MACROD1: variants seen among roughly 807,000 people sequenced by gnomAD.
MACROD1 encodes the protein ADP-ribose glycohydrolase MACROD1.
In MACROD1, 31 loss-of-function variants were observed where a neutral mutation model predicts 41.4. That is an observed-to-expected ratio of 0.75 (90% confidence interval 0.56 to 1.01). The LOEUF (loss-of-function observed/expected upper bound fraction) is 1.01. MACROD1 is among the 50% of genes least tolerant of loss of function. The pLI, the probability that MACROD1 is intolerant of heterozygous loss-of-function variation, is 0.00. For synonymous variants in MACROD1, 252 were observed against 203.4 expected, an observed-to-expected ratio of 1.24 and a Z score of -2.03; for missense variants, 473 against 460.0, an observed-to-expected ratio of 1.03 and a Z score of -0.26.
At chr11:64,150,907 T>C (rs931367488) in intron 3 of MACROD1, among the ~76,000 whole-genome samples, 2 of 152,168 alleles carry the variant, frequency 1.3e-5, no homozygotes, top group South Asian at 2.1e-4. Context: ...CAGGTGCTGG[T>C]TGGGGCTTCT....
chr11:64,159,978 G>A (rs1945729836), intron 1 of MACROD1, among the ~76,000 whole-genome samples: 1 of 152,166 alleles, frequency 6.6e-6, no homozygotes, highest in Non-Finnish European at 1.5e-5. Context: ...TCAGCCTGGA[G>A]GTAAAGAAAA....
intron 3 of MACROD1, chr11:64,087,317 G>A (rs913890335): frequency 6.6e-6 from 1 of 152,318 alleles, no homozygotes; most frequent in Non-Finnish European, 1.5e-5. Context: ...GTGGGAACAG[G>A]GTCCGCCACC....
At chr11:64,127,504 C>T (rs550060344) in intron 3 of MACROD1, among the ~76,000 whole-genome samples, 10 of 152,280 alleles carry the variant, frequency 6.6e-5, no homozygotes, top group Non-Finnish European at 1.3e-4. Flanking sequence ...TGCCCTGGCT[C>T]GGAGGCGGTG....
chr11:64,037,525 C>T (rs760099456), intron 3 of MACROD1, among the ~76,000 whole-genome samples: 12 of 152,128 alleles, frequency 7.9e-5, no homozygotes, highest in Non-Finnish European at 1.3e-4. Flanking sequence ...CTGACAGGGC[C>T]CGTGCCTGGG....
chr11:64,035,274 C>T (rs1166167624), intron 3 of MACROD1, among the ~76,000 whole-genome samples: 1 of 151,974 alleles, frequency 6.6e-6, no homozygotes, highest in East Asian at 1.9e-4. Context: ...GTGTTTACAG[C>T]ACGCGGCGGA....
chr11:64,057,833 C>A lies in MACROD1; in HGVS notation c.518-42552G>T, dbSNP rs144819877. On this transcript the variant is annotated intron_variant, in intron 3 of 10. Coordinates refer to ENST00000255681, the MANE Select transcript of MACROD1 (RefSeq NM_014067.4). ...TTCGCGGGTCCAGCAGGCAGCAGCA[C>A]CCCTTTCCACTTTACAGTTGTGGAA... Among the ~76,000 whole-genome samples, 379 of 152,352 alleles carry A rather than the reference C, an allele frequency of 2.5e-3. 5 individuals are homozygous for A. The highest frequency in any genetic ancestry group is 8.7e-3 in the African/African-American group (360 of 41,580).
At chr11:64,085,170 G>C (rs1300269671) in intron 3 of MACROD1, among the ~76,000 whole-genome samples, 1 of 152,186 alleles carries the variant, frequency 6.6e-6, no homozygotes, top group Non-Finnish European at 1.5e-5. Context: ...TGAGGGCAGA[G>C]GGCAGCTTGG....
At chr11:64,136,431 A>T in intron 3 of MACROD1, among the ~76,000 whole-genome samples, 1 of 152,190 alleles carries the variant, frequency 6.6e-6, no homozygotes, top group Non-Finnish European at 1.5e-5. Context: ...TGTGATGGTT[A>T]TTCTGGGCTG....
At position 64,082,694 on chromosome 11, in the gene MACROD1, C is replaced by T. The variant is rs1312945968; in HGVS notation, c.518-67413G>A. On this transcript the variant is annotated intron_variant, in intron 3 of 10. Transcript: ENST00000255681. This position sits in a 1 kb window ranked among gnomAD's most constrained non-coding sequence, Gnocchi z 4.5. Reference sequence around the variant, plus strand: ...CCCCTGTCCTGCTCCACCCTGCAGGCCCCTGGGTCTCACACAAGGAATGTG... The same window carrying T: ...CCCCTGTCCTGCTCCACCCTGCAGGTCCCTGGGTCTCACACAAGGAATGTG... 6.6e-6 allele frequency among the ~76,000 whole-genome samples: 1 copy of T among 152,144 alleles called. No homozygotes were observed. Among genetic ancestry groups the T allele is most frequent in the Non-Finnish European group, 1.5e-5 (1 of 68,002 alleles).
intron 3 of MACROD1, among the ~76,000 whole-genome samples, chr11:64,065,609 G>C (rs562958537): frequency 7.0e-4 from 92 of 131,694 alleles, no homozygotes; most frequent in African/African-American, 2.2e-3. Flanking sequence ...CTAACACGGT[G>C]AAACCCAGTC....
At chr11:64,078,036 G>A (rs369653650) in intron 3 of MACROD1, among the ~76,000 whole-genome samples, 14 of 152,152 alleles carry the variant, frequency 9.2e-5, no homozygotes, top group African/African-American at 2.4e-4. Context: ...CCCAGGCATC[G>A]GGCACAGGGA....
chr11:63,999,796 G>T (rs951360087), intron 5 of MACROD1, 33 bp from the exon 6 acceptor site: 3 of 1,589,174 alleles, frequency 1.9e-6, no homozygotes, highest in Non-Finnish European at 1.7e-6. Context: ...ACCGGCGGGG[G>T]TCTACGCGGT....
Position 64,027,014 on chromosome 11 carries a change from A to C in MACROD1, c.518-11733T>G, listed in dbSNP as rs1449425006. ...ATGTGTTTGCTGGTTTATTAACAGCATGGCAGCCTGTGGGGAGACGACCTC... is the reference window on the plus strand; with the variant it reads ...ATGTGTTTGCTGGTTTATTAACAGCCTGGCAGCCTGTGGGGAGACGACCTC... On this transcript the variant is annotated intron_variant, in intron 3 of 10. Transcript: ENST00000255681. Among the ~76,000 whole-genome samples the C allele has an allele frequency of 2.0e-5, 3 of 152,352 alleles. No individual in the cohort carries two copies. In the East Asian group the frequency reaches 5.8e-4, roughly 29 times the overall value.
chr11:64,094,425 C>T (rs1944541237), intron 3 of MACROD1, among the ~76,000 whole-genome samples: 1 of 131,708 alleles, frequency 7.6e-6, no homozygotes, highest in African/African-American at 2.6e-5. Context: ...AGTGAGACTC[C>T]AACTTAAAAA....
intron 3 of MACROD1, among the ~76,000 whole-genome samples, chr11:64,028,970 G>C (rs922912085): frequency 6.6e-6 from 1 of 152,108 alleles, no homozygotes; most frequent in Non-Finnish European, 1.5e-5. Context: ...ATCTGTTTCC[G>C]CAACCCCAGC....
intron 3 of MACROD1, among the ~76,000 whole-genome samples, chr11:64,024,754 T>A (rs1377860780): frequency 2.6e-5 from 4 of 152,086 alleles, no homozygotes; most frequent in African/African-American, 9.7e-5. Context: ...TTGGGGGGCC[T>A]TAGGACGGCC....
chr11:64,091,467 G>A (rs1260922483), intron 3 of MACROD1, among the ~76,000 whole-genome samples: 1 of 151,664 alleles, frequency 6.6e-6, no homozygotes, highest in Admixed American at 6.6e-5. Flanking sequence ...AGGTGGATGT[G>A]GGGGACGAGC....
intron 3 of MACROD1, among the ~76,000 whole-genome samples, chr11:64,130,028 G>C (rs1466934419): frequency 6.6e-6 from 1 of 152,162 alleles, no homozygotes; most frequent in African/African-American, 2.4e-5. Context: ...TGGCCCCAAA[G>C]AGCCCTGACA....
intron 3 of MACROD1, among the ~76,000 whole-genome samples, chr11:64,113,545 G>C (rs1003797928): frequency 6.6e-6 from 1 of 150,738 alleles, no homozygotes; most frequent in Non-Finnish European, 1.5e-5. Flanking sequence ...TGGATGCATG[G>C]ATGGATGGAT....
Sources: gnomAD v4.1 joint callset for allele counts (sites outside exome capture counted in the v4.1 genomes callset) on GRCh38, gnomAD v4.1.1 for gene constraint, Gnocchi (gnomAD v3.1) non-coding constraint, MANE v1.5 for transcripts, NCBI Gene and HGNC (gene_info 2026-07-23, HGNC 2026-07-21) for gene names.